NRCAM: variants seen among roughly 807,000 people sequenced by gnomAD.
The protein encoded by NRCAM is neuronal cell adhesion molecule.
NRCAM carries 83 observed loss-of-function variants against 156.5 expected under a neutral mutation model. The ratio of observed to expected loss-of-function variants is 0.53; its 90% CI spans 0.44 to 0.64. The LOEUF (loss-of-function observed/expected upper bound fraction) is 0.64. NRCAM is among the 30% of genes least tolerant of loss of function. The probability of loss-of-function intolerance (pLI) is 0.00; values close to 1 mark genes in which losing one functional copy is unlikely to be tolerated. For synonymous variants in NRCAM, 538 were observed against 563.9 expected (o/e 0.95, Z 0.65); for missense variants, 1,417 against 1,597.3 (o/e 0.89, Z 1.92).
intron 3 of NRCAM, among the ~76,000 whole-genome samples, chr7:108,283,482 AG>A (rs2097937676): frequency 6.6e-6 from 1 of 152,222 alleles, no homozygotes; most frequent in Non-Finnish European, 1.5e-5. Context: ...CACTTGTTCC[AG>A]GAAAGGAAAA....
chr7:108,292,028 A>G (rs887520204), intron 3 of NRCAM, among the ~76,000 whole-genome samples: 2 of 152,228 alleles, frequency 1.3e-5, no homozygotes, highest in Non-Finnish European at 2.9e-5. Flanking sequence ...GGGTGCTGCT[A>G]CTCAGCTTTA....
At chr7:108,163,214 T>A (rs1485247846) in intron 30 of NRCAM, among the ~76,000 whole-genome samples, 1 of 152,156 alleles carries the variant, frequency 6.6e-6, no homozygotes, top group Non-Finnish European at 1.5e-5. Context: ...AAATGATAAA[T>A]TAAACACATA....
chr7:108,337,333 C>T (rs2099208045), intron 2 of NRCAM, among the ~76,000 whole-genome samples: 1 of 151,942 alleles, frequency 6.6e-6, no homozygotes, highest in Non-Finnish European at 1.5e-5. Flanking sequence ...TCTGTTTTCA[C>T]TCTATTAAAT....
chr7:108,337,969 G>C lies in NRCAM; in HGVS notation c.-173-25238C>G, dbSNP rs1490225397. ...TGTCGGCCGGTTAAAAACGATTAGC[G>C]TGGCCTCCGGACTTAAGACTCAGGT... On this transcript the variant is annotated intron_variant, in intron 2 of 32. Transcript: ENST00000379028. Among the ~76,000 whole-genome samples, 3 of 152,224 alleles carry C rather than the reference G, an allele frequency of 2.0e-5. No homozygotes were observed. In the East Asian group the frequency reaches 5.8e-4, roughly 29 times the overall value.
chr7:108,407,913 A>G (rs1174579108), intron 1 of NRCAM, among the ~76,000 whole-genome samples: 1 of 152,232 alleles, frequency 6.6e-6, no homozygotes, highest in Non-Finnish European at 1.5e-5. Flanking sequence ...AAAGCCCACA[A>G]TTGAGATTCC....
At chr7:108,194,482 C>A in intron 15 of NRCAM, 54 bp from the exon 16 acceptor site, 1 of 1,309,410 alleles carries the variant, frequency 7.6e-7, no homozygotes, top group South Asian at 1.5e-5. Flanking sequence ...ATTTTGAAGT[C>A]AGACATAAAA....
chr7:108,264,600 G>A (rs1429954155), intron 3 of NRCAM, among the ~76,000 whole-genome samples: 1 of 152,136 alleles, frequency 6.6e-6, no homozygotes, highest in Admixed American at 6.5e-5. Flanking sequence ...ATCTTAACTG[G>A]CATCAATCGT....
chr7:108,257,103 G>A (rs2096711541), intron 3 of NRCAM, among the ~76,000 whole-genome samples: 1 of 142,812 alleles, frequency 7.0e-6, no homozygotes. Flanking sequence ...AGGAAGGAAG[G>A]AAAAGAAAAG....
intron 1 of NRCAM, among the ~76,000 whole-genome samples, chr7:108,406,110 T>C (rs1018761217): frequency 2.3e-4 from 35 of 151,976 alleles, no homozygotes; most frequent in African/African-American, 8.4e-4. Flanking sequence ...GGTGTGACCA[T>C]GGTAAATACT....
At chr7:108,449,800 T>C (rs1330250075) in intron 1 of NRCAM, among the ~76,000 whole-genome samples, 1 of 152,180 alleles carries the variant, frequency 6.6e-6, no homozygotes, top group Non-Finnish European at 1.5e-5. Flanking sequence ...TCATACTGAA[T>C]TTTTTGAATG....
At chr7:108,299,260 T>C (rs1302883406) in intron 3 of NRCAM, among the ~76,000 whole-genome samples, 1 of 151,686 alleles carries the variant, frequency 6.6e-6, no homozygotes, top group Non-Finnish European at 1.5e-5. Flanking sequence ...AAGCAGTAGT[T>C]ACCGAGCTGC....
At chr7:108,273,037 G>C (rs966414100) in intron 3 of NRCAM, among the ~76,000 whole-genome samples, 10 of 152,024 alleles carry the variant, frequency 6.6e-5, no homozygotes, top group African/African-American at 2.4e-4. Context: ...TGAGAATGAT[G>C]GTTTCCAGCT....
intron 2 of NRCAM, among the ~76,000 whole-genome samples, chr7:108,361,537 A>G (rs1480359335): frequency 6.6e-6 from 1 of 152,170 alleles, no homozygotes; most frequent in Non-Finnish European, 1.5e-5. Context: ...GAATTGGGAC[A>G]TTGACTTTTT....
intron 20 of NRCAM, among the ~76,000 whole-genome samples, chr7:108,187,846 T>G (rs2068080418): frequency 6.6e-6 from 1 of 151,582 alleles, no homozygotes; most frequent in Non-Finnish European, 1.5e-5. Context: ...TCCCAGCTAC[T>G]CGGGAAGCTG....
At chr7:108,359,374 C>T (rs936154527) in intron 2 of NRCAM, among the ~76,000 whole-genome samples, 6 of 152,172 alleles carry the variant, frequency 3.9e-5, no homozygotes, top group Admixed American at 3.9e-4. Flanking sequence ...AAAAGAAACA[C>T]AAAAGCTACC....
At chr7:108,377,067 G>T (rs2099679006) in intron 2 of NRCAM, among the ~76,000 whole-genome samples, 2 of 152,168 alleles carry the variant, frequency 1.3e-5, no homozygotes, top group African/African-American at 4.8e-5. Flanking sequence ...GGAAGGCTGA[G>T]GCAGGAGGAT....
At chr7:108,297,180 G>A (rs1178439076) in intron 3 of NRCAM, among the ~76,000 whole-genome samples, 2 of 152,166 alleles carry the variant, frequency 1.3e-5, no homozygotes, top group African/African-American at 4.8e-5. Flanking sequence ...AAGGATCAGT[G>A]ACATACTTCA....
chr7:108,367,584 T>C (rs567647723), intron 2 of NRCAM, among the ~76,000 whole-genome samples: 8 of 152,312 alleles, frequency 5.3e-5, no homozygotes, highest in African/African-American at 1.9e-4. Context: ...AGAGTTAAGC[T>C]AGATTTTGGA....
chr7:108,333,891 C>T (rs77578335), intron 2 of NRCAM, among the ~76,000 whole-genome samples: 1 of 152,088 alleles, frequency 6.6e-6, no homozygotes, highest in African/African-American at 2.4e-5. Flanking sequence ...CTTCACAAAA[C>T]CCCCATCTCT....
Sources: allele counts gnomAD v4.1 joint callset (sites outside exome capture counted in the v4.1 genomes callset), GRCh38; gene constraint gnomAD v4.1.1; transcripts MANE v1.5; gene names NCBI Gene and HGNC (gene_info 2026-07-23, HGNC 2026-07-21).